CNTLN: variants seen among roughly 807,000 people sequenced by gnomAD.
CNTLN encodes centlein, also known as centlein, centrosomal protein.
In CNTLN, 212 loss-of-function variants were observed where a neutral mutation model predicts 180.0. That is an observed-to-expected ratio of 1.18 (90% CI 1.05 to 1.32). The LOEUF (loss-of-function observed/expected upper bound fraction) is 1.32. Ranked by LOEUF, CNTLN falls within the 40% of genes most tolerant of loss-of-function variation. CNTLN has a pLI of 0.00. For missense variants in CNTLN, 2,095 were observed against 1,610.9 expected (o/e 1.30, Z -5.14); for synonymous variants, 722 against 563.1 (o/e 1.28, Z -3.99).
intron 12 of CNTLN, among the ~76,000 whole-genome samples, chr9:17,359,078 G>A (rs1019627695): frequency 1.3e-5 from 2 of 151,620 alleles, no homozygotes; most frequent in Non-Finnish European, 2.9e-5. Context: ...GAGTGCAGTG[G>A]CACAATCTCA....
At chr9:17,178,841 G>A (rs916168631) in intron 2 of CNTLN, among the ~76,000 whole-genome samples, 3 of 152,156 alleles carry the variant, frequency 2.0e-5, no homozygotes, top group Admixed American at 6.5e-5. Context: ...ACAGTGCAGC[G>A]GTGGGCTGAA....
At chr9:17,263,074 G>C (rs1401458492) in intron 5 of CNTLN, among the ~76,000 whole-genome samples, 3 of 150,292 alleles carry the variant, frequency 2.0e-5, no homozygotes, top group African/African-American at 7.5e-5. Context: ...TAAGTTTTAG[G>C]GTACATGTGC....
chr9:17,432,422 C>CTGGA (rs1829469807), intron 18 of CNTLN, among the ~76,000 whole-genome samples: 1 of 151,972 alleles, frequency 6.6e-6, no homozygotes, highest in South Asian at 2.1e-4. Context: ...AATTAGTTAA[C>CTGGA]TGGATGAGGG....
At chr9:17,254,532 T>C (rs1212010516) in intron 5 of CNTLN, among the ~76,000 whole-genome samples, 1 of 151,432 alleles carries the variant, frequency 6.6e-6, no homozygotes, top group Non-Finnish European at 1.5e-5. Context: ...TATCTAGTTT[T>C]TCTGGCAACA....
At chr9:17,260,095 T>C (rs1826838833) in intron 5 of CNTLN, among the ~76,000 whole-genome samples, 1 of 146,274 alleles carries the variant, frequency 6.8e-6, no homozygotes, top group African/African-American at 2.7e-5. Context: ...TCTTTCCTGC[T>C]TTCTCTTGTG....
chr9:17,262,350 A>G (rs1827058449), intron 5 of CNTLN, among the ~76,000 whole-genome samples: 1 of 151,670 alleles, frequency 6.6e-6, no homozygotes, highest in South Asian at 2.1e-4. Context: ...GATAGACTGG[A>G]TAAAGAAAAT....
At chr9:17,435,825 A>C (rs914514704) in intron 18 of CNTLN, among the ~76,000 whole-genome samples, 1 of 152,132 alleles carries the variant, frequency 6.6e-6, no homozygotes, top group Non-Finnish European at 1.5e-5. Context: ...GGCCTCCCCA[A>C]GTGCTAGGAT....
At chr9:17,413,634 A>T (rs1215028787) in intron 16 of CNTLN, among the ~76,000 whole-genome samples, 1 of 152,218 alleles carries the variant, frequency 6.6e-6, no homozygotes, top group Non-Finnish European at 1.5e-5. Context: ...AAAAAAGGAT[A>T]TACGGATGGC....
At chr9:17,220,545 C>A (rs1824059830) in intron 2 of CNTLN, among the ~76,000 whole-genome samples, 1 of 152,000 alleles carries the variant, frequency 6.6e-6, no homozygotes, top group South Asian at 2.1e-4. Context: ...CTTATTAAGC[C>A]TAGTACCCAT....
chr9:17,362,092 G>T (rs1823439035), intron 12 of CNTLN, among the ~76,000 whole-genome samples: 1 of 152,156 alleles, frequency 6.6e-6, no homozygotes. Context: ...ATTAAAAGTA[G>T]GGACTGTGTG....
At chr9:17,188,675 A>C (rs1247254502) in intron 2 of CNTLN, among the ~76,000 whole-genome samples, 1 of 152,102 alleles carries the variant, frequency 6.6e-6, no homozygotes, top group African/African-American at 2.4e-5. Flanking sequence ...TGTACTGTTT[A>C]ATCTGCTGTT....
At chr9:17,150,485 C>A (rs549367191) in intron 2 of CNTLN, among the ~76,000 whole-genome samples, 2 of 152,236 alleles carry the variant, frequency 1.3e-5, no homozygotes, top group Admixed American at 6.5e-5. Context: ...ATTTCTGAGG[C>A]CTCCATTCTG....
chr9:17,267,424 G>C (rs1420130696), intron 5 of CNTLN, among the ~76,000 whole-genome samples: 1 of 152,134 alleles, frequency 6.6e-6, no homozygotes, highest in Non-Finnish European at 1.5e-5. Context: ...CGTCTGATGG[G>C]CTTCCCTTTG....
chr9:17,433,965 T>A (rs1829597666), intron 18 of CNTLN, among the ~76,000 whole-genome samples: 1 of 152,130 alleles, frequency 6.6e-6, no homozygotes, highest in African/African-American at 2.4e-5. Flanking sequence ...TTTCCCCAAT[T>A]TACTCTGTTG....
intron 25 of CNTLN, among the ~76,000 whole-genome samples, chr9:17,500,592 A>T (rs1382620244): frequency 1.3e-5 from 2 of 152,202 alleles, no homozygotes; most frequent in African/African-American, 4.8e-5. Flanking sequence ...AGGATATTAT[A>T]TTGCCCTCTT....
At position 17,412,626 on chromosome 9, in the gene CNTLN, A is replaced by C. The variant is rs569583439; in HGVS notation, c.2796+3153A>C. Among the ~76,000 whole-genome samples the C allele has an allele frequency of 1.8e-4, 27 of 152,336 alleles. 1 individual carries two copies. In the South Asian group the frequency reaches 5.4e-3, roughly 30 times the overall value. The stretch of plus-strand genomic sequence containing the variant: ...TTTATTATAAAATAAGCTTTGTGTT[A>C]GATGATTTTGCCCAGCTGTAGGCTA... On this transcript the variant is annotated intron_variant, in intron 16 of 25. Coordinates refer to ENST00000380647, the MANE Select transcript of CNTLN (RefSeq NM_017738.4).
At chr9:17,259,769 GT>G (rs1826809579) in intron 5 of CNTLN, among the ~76,000 whole-genome samples, 1 of 149,054 alleles carries the variant, frequency 6.7e-6, no homozygotes, top group Non-Finnish European at 1.5e-5. Context: ...GCGTAGAGGT[GT>G]TTGTAGTATT....
At chr9:17,338,467 C>T (rs1377008809) in intron 10 of CNTLN, among the ~76,000 whole-genome samples, 1 of 150,360 alleles carries the variant, frequency 6.7e-6, no homozygotes, top group African/African-American at 2.4e-5. Context: ...ACCACTGTGT[C>T]CAGCCTATTA....
chr9:17,290,803 C>A (rs972568213), intron 6 of CNTLN, among the ~76,000 whole-genome samples: 15 of 152,064 alleles, frequency 9.9e-5, no homozygotes, highest in Non-Finnish European at 7.4e-5. Flanking sequence ...TTCTTTGACT[C>A]GGAAAGGGAA....
Sources: gnomAD v4.1 joint callset for allele counts (sites outside exome capture counted in the v4.1 genomes callset) on GRCh38, gnomAD v4.1.1 for gene constraint, MANE v1.5 for transcripts, NCBI Gene and HGNC (gene_info 2026-07-23, HGNC 2026-07-21) for gene names.